Variants in OPCML observed in about 807,000 individuals in gnomAD.
OPCML encodes the protein opioid-binding protein/cell adhesion molecule.
A neutral mutation model predicts 37.8 loss-of-function variants in OPCML; 13 were observed. The observed-to-expected ratio is 0.34, with a 90% CI of 0.22 to 0.55. The LOEUF (loss-of-function observed/expected upper bound fraction) is 0.55. Ranked by LOEUF, OPCML falls within the 20% of genes least tolerant of loss-of-function variation. OPCML has a pLI of 0.91. For synonymous variants in OPCML, 176 were observed against 168.8 expected, an observed-to-expected ratio of 1.04 and a Z score of -0.33; for missense variants, 341 against 435.6, an observed-to-expected ratio of 0.78 and a Z score of 1.93.
rs185588745 is a variant in OPCML, at chr11:133,028,823, C to T, written c.62-85813G>A. On this transcript the variant is annotated intron_variant, in intron 1 of 7. Coordinates refer to ENST00000524381, the MANE Select transcript of OPCML (RefSeq NM_001012393.5). ...GACAAATAATTTATGACTATGTCCT[C>T]AAAAGCAAATGCCACAAAAACAAAA... Among the ~76,000 whole-genome samples, 3 of 150,792 alleles carry T rather than the reference C, an allele frequency of 2.0e-5. No homozygotes were observed. In the East Asian group the frequency reaches 5.9e-4, roughly 29 times the overall value.
chr11:132,967,343 T>C (rs569645061), intron 1 of OPCML, among the ~76,000 whole-genome samples: 1 of 152,256 alleles, frequency 6.6e-6, no homozygotes, highest in Non-Finnish European at 1.5e-5. Flanking sequence ...ACAACTGTAT[T>C]GTTACAAACC....
intron 3 of OPCML, among the ~76,000 whole-genome samples, chr11:132,559,869 A>G (rs2096406716): frequency 6.6e-6 from 1 of 152,230 alleles, no homozygotes; most frequent in South Asian, 2.1e-4. Context: ...TTTTAAAACC[A>G]GACTGTGACC....
chr11:132,728,524 C>A (rs942866448), intron 2 of OPCML, among the ~76,000 whole-genome samples: 1 of 152,096 alleles, frequency 6.6e-6, no homozygotes, highest in Admixed American at 6.5e-5. Context: ...AATTACTTTT[C>A]TCTCTAGCAT....
In OPCML at chr11:133,286,415, A is replaced by C. The variant is rs1592167991; in HGVS notation, c.61+245849T>G. 2.1e-5 allele frequency among the ~76,000 whole-genome samples: 3 copies of C among 140,294 alleles called. 1 individual carries two copies. In the East Asian group the frequency reaches 6.9e-4, roughly 32 times the overall value. The allele number at this position is 140,294 out of a possible 152,430, so 92.0% of individuals were successfully genotyped here. A position where few individuals can be genotyped will look rare whatever the true frequency, so the allele number is the denominator to read the frequency against. ...AACCCGGGAGGCGGAGCTTGCAGTG[A>C]GCCGAGATCGCGCCACTGCACTCCA... is the stretch of plus-strand genomic sequence containing the variant. On this transcript the variant is annotated intron_variant, in intron 1 of 7. Transcript: ENST00000524381.
chr11:133,288,914 T>C (rs1369745427), intron 1 of OPCML, among the ~76,000 whole-genome samples: 1 of 151,942 alleles, frequency 6.6e-6, no homozygotes, highest in Non-Finnish European at 1.5e-5. Flanking sequence ...GTGGGCATCT[T>C]GAGGGGATGA....
In OPCML at chr11:132,744,197, A is replaced by G. The variant is rs1365934768; in HGVS notation, c.147-86878T>C. 3.9e-5 allele frequency among the ~76,000 whole-genome samples: 6 copies of G among 152,202 alleles called. No individual in the cohort carries two copies. The East Asian group carries it at 1.2e-3, about 29-fold the overall frequency. ...CGTGCCTATGTTGCAACTCCTCGAA[A>G]GATTTTAGGCAAGCCACTGAACCAC... On this transcript the variant is annotated intron_variant, in intron 2 of 7. Transcript: ENST00000524381.
intron 3 of OPCML, among the ~76,000 whole-genome samples, chr11:132,559,313 T>C (rs1019650065): frequency 2.0e-5 from 3 of 151,946 alleles, no homozygotes; most frequent in Non-Finnish European, 2.9e-5. Flanking sequence ...TGGGTAATAA[T>C]TGATGTTTTT....
chr11:133,128,868 TGTAGCCCGGGC>T (rs1217510615), intron 1 of OPCML, among the ~76,000 whole-genome samples: 1 of 152,172 alleles, frequency 6.6e-6, no homozygotes, highest in African/African-American at 2.4e-5. Context: ...AAGCCCTCTC[TGTAGCCCGGGC>T]TTCTGCTTCT....
intron 1 of OPCML, among the ~76,000 whole-genome samples, chr11:133,492,456 A>G (rs988196283): frequency 6.6e-6 from 1 of 152,152 alleles, no homozygotes; most frequent in Non-Finnish European, 1.5e-5. Context: ...GGGAGGAACA[A>G]CCCAAACGTC....
chr11:133,206,266 T>G lies in OPCML; in HGVS notation c.62-263256A>C, dbSNP rs557730455. ...AGCAGTACATTAAGATCAGCGTGAT[T>G]AAAGACAGTGAGCAGAACTCGCCAT... On this transcript the variant is annotated intron_variant, in intron 1 of 7. Transcript: ENST00000524381. The surrounding 1 kb of genome is among the most constrained non-coding windows in gnomAD (Gnocchi z 4.7). 6.6e-6 allele frequency among the ~76,000 whole-genome samples: 1 copy of G among 152,260 alleles called. No individual in the cohort carries two copies. Among genetic ancestry groups the G allele is most frequent in the South Asian group, 2.1e-4 (1 of 4,822 alleles).
At chr11:132,477,541 G>A (rs939969862) in intron 4 of OPCML, among the ~76,000 whole-genome samples, 7 of 152,164 alleles carry the variant, frequency 4.6e-5, no homozygotes, top group African/African-American at 1.4e-4. Flanking sequence ...GGAAAGCTTG[G>A]AACAGTCAAG....
At chr11:132,511,316 A>G (rs2096268450) in intron 4 of OPCML, among the ~76,000 whole-genome samples, 1 of 152,160 alleles carries the variant, frequency 6.6e-6, no homozygotes, top group South Asian at 2.1e-4. Flanking sequence ...TAAGGCTTGG[A>G]AAAACTCAAT....
At chr11:132,909,751 C>A (rs575515501) in intron 2 of OPCML, among the ~76,000 whole-genome samples, 35 of 152,324 alleles carry the variant, frequency 2.3e-4, no homozygotes, top group Admixed American at 6.5e-4. Flanking sequence ...GTGGGCAGGG[C>A]AGCCACCGGC....
At chr11:133,447,599 C>T (rs1286866328) in intron 1 of OPCML, among the ~76,000 whole-genome samples, 1 of 152,192 alleles carries the variant, frequency 6.6e-6, no homozygotes, top group Admixed American at 6.5e-5. Context: ...TTAGCTCCCA[C>T]TTATAAGTGA....
chr11:132,672,573 T>C (rs1017448483), intron 2 of OPCML, among the ~76,000 whole-genome samples: 2 of 152,182 alleles, frequency 1.3e-5, no homozygotes, highest in African/African-American at 4.8e-5. Flanking sequence ...AAAACATATT[T>C]GTTATTTTAG....
intron 2 of OPCML, chr11:132,772,149 A>T (rs1344547426): frequency 6.6e-6 from 1 of 152,258 alleles, no homozygotes; most frequent in Admixed American, 6.5e-5. Flanking sequence ...ATAGTAAGAC[A>T]ATAACTCATC....
In OPCML at chr11:132,700,150, G is replaced by A. The variant is rs75011481; in HGVS notation, c.147-42831C>T. On this transcript the variant is annotated intron_variant, in intron 2 of 7. Coordinates refer to ENST00000524381, the MANE Select transcript of OPCML (RefSeq NM_001012393.5). ...CTTTTGTGTTTCTGTAAACTGTATT[G>A]TGTACTCTTTGATTTATAAATTTTT... is the stretch of plus-strand genomic sequence containing the variant. Among the ~76,000 whole-genome samples, 132 of 151,806 alleles carry A rather than the reference G, an allele frequency of 8.7e-4. 1 individual carries two copies. The East Asian group carries it at 0.023, about 27-fold the overall frequency.
At chr11:132,465,297 C>T (rs1034339425) in intron 4 of OPCML, among the ~76,000 whole-genome samples, 2 of 152,144 alleles carry the variant, frequency 1.3e-5, no homozygotes, top group Non-Finnish European at 2.9e-5. Flanking sequence ...CTACACTGAG[C>T]TTCCTAACTT....
chr11:132,433,254 G>A (rs2096003251), intron 7 of OPCML, among the ~76,000 whole-genome samples: 1 of 152,210 alleles, frequency 6.6e-6, no homozygotes, highest in Non-Finnish European at 1.5e-5. Context: ...AAACACGACA[G>A]TATTCAGTGA....
Sources: allele counts gnomAD v4.1 joint callset (sites outside exome capture counted in the v4.1 genomes callset), GRCh38; gene constraint gnomAD v4.1.1; non-coding constraint Gnocchi (gnomAD v3.1); transcripts MANE v1.5; gene names NCBI Gene and HGNC (gene_info 2026-07-23, HGNC 2026-07-21).